The following TANC2 variants were observed in gnomAD, a reference collection of about 807,000 sequenced individuals.
TANC2 encodes the protein tetratricopeptide repeat, ankyrin repeat and coiled-coil containing 2, also known as protein TANC2.
A neutral mutation model predicts 210.5 loss-of-function variants in TANC2; 26 were observed. The ratio of observed to expected loss-of-function variants is 0.12; its 90% confidence interval spans 0.09 to 0.17. The LOEUF is 0.17. Among genes scored for constraint, TANC2 ranks in the 10% least tolerant of loss-of-function variants. TANC2 has a pLI of 1.00. For missense variants in TANC2, 2,129 were observed against 2,608.9 expected (o/e 0.82, Z 4.01); for synonymous variants, 931 against 967.1 (o/e 0.96, Z 0.69).
rs796860832 is a variant in TANC2 at position 63,340,280 on chromosome 17, C to T, written c.1755C>T (p.Pro585=). The T allele has an allele frequency of 6.8e-6, 11 of 1,613,954 alleles. No homozygotes were observed. The African/African-American group carries it at 1.3e-4, about 20-fold the overall frequency. ...GCCTTCGTTCCTGTGTTCAAGACCC[C>T]ATGGCCTCCTTCCGGAGGGGAGTTC... The change falls in exon 12 of 28, where the codon CCC becomes CCT. Residue 585 remains proline (P), a synonymous_variant. Transcript: ENST00000689528.
At position 63,114,602 on chromosome 17, in the gene TANC2, T is replaced by G. The variant is rs1383776067; in HGVS notation, c.322+15245T>G. ...TTGCTATAGCTAGTAGAATGGTTAC[T>G]TTCTTAACTCCTGTGAGAATAGAGA... is the stretch of plus-strand genomic sequence containing the variant. On this transcript the variant is annotated intron_variant, in intron 4 of 27. Transcript: ENST00000689528. Among the ~76,000 whole-genome samples, 3 of 152,330 alleles carry G rather than the reference T, an allele frequency of 2.0e-5. No individual in the cohort carries two copies. In the East Asian group the frequency reaches 5.8e-4, roughly 29 times the overall value.
At chr17:63,221,572 G>A (rs2042193772) in intron 7 of TANC2, among the ~76,000 whole-genome samples, 1 of 151,948 alleles carries the variant, frequency 6.6e-6, no homozygotes, top group African/African-American at 2.4e-5. Context: ...TAATATAAAG[G>A]CATACAACTT....
At position 63,032,734 on chromosome 17, in the gene TANC2, CACACATTCTG is replaced by C. The variant is rs1343871220; in HGVS notation, c.67+23113_67+23122del. ...CTAAAAGAACAACTTGTTCTATACT[CACACATTCTG>C]ACACCAGATGTGTTCCATTAAACAA... On this transcript the variant is annotated intron_variant, in intron 2 of 27. Transcript: ENST00000689528. Among the ~76,000 whole-genome samples the C allele has an allele frequency of 2.0e-5, 3 of 152,146 alleles. No individual in the cohort carries two copies. In the East Asian group the frequency reaches 5.8e-4, roughly 29 times the overall value.
intron 3 of TANC2, among the ~76,000 whole-genome samples, chr17:63,094,305 G>A (rs2037309355): frequency 6.6e-6 from 1 of 151,958 alleles, no homozygotes; most frequent in South Asian, 2.1e-4. Flanking sequence ...GTGATGATAC[G>A]AGCTCTGAGT....
intron 3 of TANC2, among the ~76,000 whole-genome samples, chr17:63,076,305 A>G (rs1255105790): frequency 6.6e-6 from 1 of 152,182 alleles, no homozygotes; most frequent in Non-Finnish European, 1.5e-5. Flanking sequence ...CCATGCTAAA[A>G]ATGGGAGAAT....
Position 63,420,648 on chromosome 17 carries a change from T to G in TANC2, c.4918T>G (p.Ser1640Ala), listed in dbSNP as rs764433252. The G allele has an allele frequency of 3.7e-6, 6 of 1,613,740 alleles. No homozygotes were observed. In the South Asian group the frequency reaches 5.5e-5, roughly 15 times the overall value. Residue 1640 changes from serine to alanine, a missense_variant, in exon 28 of 28, where the codon TCC (serine) becomes GCC (alanine). Around this residue, in one of 5 missense-constraint regions of TANC2, gnomAD observed 584 missense variants for 627.3 expected, o/e 0.93. Transcript: ENST00000689528. The surrounding 1 kb of genome is among the most constrained non-coding windows in gnomAD (Gnocchi z 4.2). Reference sequence around the variant, plus strand: ...AGCTGAAAGTATGAGTGTCTATAGATCCCAGTCTGGTTCACCCGTGCGCTA... The same window carrying G: ...AGCTGAAAGTATGAGTGTCTATAGAGCCCAGTCTGGTTCACCCGTGCGCTA...
At chr17:63,004,948 C>G (rs1462145413) in intron 1 of TANC2, 3 of 207,438 alleles carry the variant, frequency 1.4e-5, no homozygotes, top group African/African-American at 7.1e-5. Context: ...CCCCTTCAAT[C>G]CTTCTCGTGG....
rs560543648 is a variant in TANC2, at chr17:63,382,854, T to C, written c.2691+3028T>C. 2.6e-5 allele frequency among the ~76,000 whole-genome samples: 4 copies of C among 152,326 alleles called. No individual in the cohort carries two copies. The South Asian group carries it at 8.3e-4, about 32-fold the overall frequency. ...TGGGTTTTTTAATGCTATAAGATTCTATAACTTTTTTCTCTTTTTCACTCA... is the reference window on the plus strand; with the variant it reads ...TGGGTTTTTTAATGCTATAAGATTCCATAACTTTTTTCTCTTTTTCACTCA... On this transcript the variant is annotated intron_variant, in intron 15 of 27. Transcript: ENST00000689528.
At chr17:63,329,139 G>T (rs536898470) in intron 11 of TANC2, among the ~76,000 whole-genome samples, 9 of 151,962 alleles carry the variant, frequency 5.9e-5, no homozygotes, top group Non-Finnish European at 1.2e-4. Flanking sequence ...TTGAAAAATA[G>T]TTATTTTCAT....
chr17:63,063,558 G>GTA (rs2036076968), intron 2 of TANC2, among the ~76,000 whole-genome samples: 1 of 107,398 alleles, frequency 9.3e-6, no homozygotes, highest in Non-Finnish European at 1.8e-5. Context: ...GTGTGTGTGT[G>GTA]TGTGTGTGTG....
chr17:63,022,232 C>T (rs534573045), intron 2 of TANC2, among the ~76,000 whole-genome samples: 30 of 151,510 alleles, frequency 2.0e-4, no homozygotes, highest in African/African-American at 5.6e-4. Flanking sequence ...ATCCCAGCTA[C>T]TTGGGAGGCT....
rs186996125 is a variant in TANC2 at position 63,099,786 on chromosome 17, T to C, written c.322+429T>C. On this transcript the variant is annotated intron_variant, in intron 4 of 27. Transcript: ENST00000689528. The stretch of plus-strand genomic sequence containing the variant: ...AATTGCTATTTGTATATTTTATATA[T>C]TTTTTTAAAAGATAATTTAGATATT... Among the ~76,000 whole-genome samples the C allele has an allele frequency of 2.6e-5, 4 of 152,166 alleles. 1 individual carries two copies. In the East Asian group the frequency reaches 7.7e-4, roughly 29 times the overall value.
chr17:63,055,550 A>C (rs2035739336), intron 2 of TANC2, among the ~76,000 whole-genome samples: 1 of 152,026 alleles, frequency 6.6e-6, no homozygotes, highest in African/African-American at 2.4e-5. Context: ...GTAAGTCTTT[A>C]ACTTAAGTTT....
intron 1 of TANC2, among the ~76,000 whole-genome samples, chr17:62,969,202 C>T (rs2031542513): frequency 6.6e-6 from 1 of 152,142 alleles, no homozygotes. Context: ...TCCCGTTGTA[C>T]GTTGTTTTAA....
At chr17:63,293,882 C>G (rs2044456108) in intron 9 of TANC2, among the ~76,000 whole-genome samples, 1 of 151,874 alleles carries the variant, frequency 6.6e-6, no homozygotes, top group Non-Finnish European at 1.5e-5. Context: ...CCACATGCCA[C>G]CACACCCAGC....
intron 12 of TANC2, among the ~76,000 whole-genome samples, chr17:63,343,088 G>A (rs1347895008): frequency 6.6e-6 from 1 of 152,126 alleles, no homozygotes; most frequent in Non-Finnish European, 1.5e-5. Context: ...TTTAGAGATA[G>A]AACAAGCAAA....
chr17:63,335,367 CTT>C (rs1372047801), intron 11 of TANC2, among the ~76,000 whole-genome samples: 2 of 152,060 alleles, frequency 1.3e-5, no homozygotes, highest in Admixed American at 1.3e-4. Context: ...AATCCCAACA[CTT>C]TGGGAGGCCG....
intron 14 of TANC2, among the ~76,000 whole-genome samples, chr17:63,375,384 A>G (rs2047393614): frequency 6.6e-6 from 1 of 152,256 alleles, no homozygotes; most frequent in Non-Finnish European, 1.5e-5. Context: ...GACTAGAGAA[A>G]TGCAGACATC....
At chr17:63,156,782 A>G (rs1236832650) in intron 5 of TANC2, among the ~76,000 whole-genome samples, 1 of 151,622 alleles carries the variant, frequency 6.6e-6, no homozygotes, top group Non-Finnish European at 1.5e-5. Flanking sequence ...GCAACCACCA[A>G]CTCCTGGGCT....
Sources: gnomAD v4.1 joint callset for allele counts (sites outside exome capture counted in the v4.1 genomes callset) on GRCh38, gnomAD v4.1.1 for gene constraint, gnomAD v4.1.1 regional missense constraint, Gnocchi (gnomAD v3.1) non-coding constraint, MANE v1.5 for transcripts, NCBI Gene and HGNC (gene_info 2026-07-23, HGNC 2026-07-21) for gene names.